The following B4GALT6 variants were observed in gnomAD, a reference collection of about 807,000 sequenced individuals.
B4GALT6 encodes UDP-Gal:beta-GlcNAc beta-1,4-galactosyltransferase 6.
In B4GALT6, 14 loss-of-function variants were observed where a neutral mutation model predicts 46.3. That is an observed-to-expected ratio of 0.30 (90% CI 0.20 to 0.47). The LOEUF (loss-of-function observed/expected upper bound fraction) is 0.47, where lower values mean the gene tolerates loss of function less well. Ranked by LOEUF, B4GALT6 falls within the 20% of genes least tolerant of loss-of-function variation. The probability of loss-of-function intolerance (pLI) is 0.99; values close to 1 mark genes in which losing one functional copy is unlikely to be tolerated. For synonymous variants in B4GALT6, 168 were observed against 162.0 expected (o/e 1.04, Z -0.28); for missense variants, 386 against 480.1 (o/e 0.80, Z 1.83).
chr18:31,684,011 T>A (rs548064897), intron 1 of B4GALT6, among the ~76,000 whole-genome samples: 1 of 152,310 alleles, frequency 6.6e-6, no homozygotes, highest in Non-Finnish European at 1.5e-5. Flanking sequence ...AAAGCTGTCA[T>A]GAACACTCAA....
intron 1 of B4GALT6, among the ~76,000 whole-genome samples, chr18:31,680,151 G>C (rs1010867833): frequency 2.0e-5 from 3 of 152,134 alleles, no homozygotes; most frequent in African/African-American, 7.2e-5. Context: ...CTCCTGAAAT[G>C]GGCCATGCAG....
intron 1 of B4GALT6, among the ~76,000 whole-genome samples, chr18:31,669,435 TTAAA>T (rs1439723242): frequency 1.3e-5 from 2 of 152,210 alleles, no homozygotes; most frequent in African/African-American, 4.8e-5. Flanking sequence ...TTGCTTATAC[TTAAA>T]TAATCTGTCT....
intron 4 of B4GALT6, among the ~76,000 whole-genome samples, chr18:31,641,593 G>C (rs1041697200): frequency 6.6e-6 from 1 of 152,108 alleles, no homozygotes; most frequent in African/African-American, 2.4e-5. Context: ...GCCTGTTTCA[G>C]GACATTCTTC....
At chr18:31,682,019 GA>G (rs996393300) in intron 1 of B4GALT6, among the ~76,000 whole-genome samples, 1 of 151,694 alleles carries the variant, frequency 6.6e-6, no homozygotes, top group Non-Finnish European at 1.5e-5. Context: ...TCATAAATAA[GA>G]AATCTGAAGC....
the B4GALT6 span, among the ~76,000 whole-genome samples, chr18:31,704,163 T>A: frequency 6.6e-6 from 1 of 151,752 alleles, no homozygotes; most frequent in African/African-American, 2.4e-5. Flanking sequence ...CTTCAGGATA[T>A]CTAGAAATAA....
intron 1 of B4GALT6, among the ~76,000 whole-genome samples, chr18:31,677,455 T>C (rs1345577093): frequency 6.6e-6 from 1 of 152,184 alleles, no homozygotes; most frequent in Non-Finnish European, 1.5e-5. Flanking sequence ...CAGAATTGAG[T>C]GCCACCTGAA....
chr18:31,627,197 T>G, intron 6 of B4GALT6, 76 bp from the exon 7 acceptor site: 1 of 1,352,568 alleles, frequency 7.4e-7, no homozygotes, highest in Middle Eastern at 1.9e-4. Flanking sequence ...TTCAGCCTTT[T>G]ATGTGCTTTG....
At chr18:31,723,422 A>G in the B4GALT6 span, among the ~76,000 whole-genome samples, 1 of 152,212 alleles carries the variant, frequency 6.6e-6, no homozygotes, top group African/African-American at 2.4e-5. Flanking sequence ...GACTTTAACA[A>G]CCTAAGCGTC....
intron 1 of B4GALT6, among the ~76,000 whole-genome samples, chr18:31,668,089 T>A (rs909333005): frequency 2.1e-5 from 3 of 140,368 alleles, no homozygotes; most frequent in South Asian, 2.3e-4. Context: ...GGAGCAAGAC[T>A]CCATCTCAAA....
the B4GALT6 span, among the ~76,000 whole-genome samples, chr18:31,715,680 A>G: frequency 6.7e-6 from 1 of 148,638 alleles, no homozygotes; most frequent in Non-Finnish European, 1.5e-5. Flanking sequence ...CCTCCTGAGT[A>G]GCTGGGATTA....
chr18:31,665,696 T>G (rs2074274357), intron 2 of B4GALT6, among the ~76,000 whole-genome samples: 1 of 152,096 alleles, frequency 6.6e-6, no homozygotes, highest in African/African-American at 2.4e-5. Context: ...GAGCCAAGAT[T>G]GCGCCACTGC....
chr18:31,657,758 C>A (rs2074159232), intron 3 of B4GALT6, among the ~76,000 whole-genome samples: 1 of 152,082 alleles, frequency 6.6e-6, no homozygotes, highest in African/African-American at 2.4e-5. Flanking sequence ...GTCATTTTCC[C>A]CCTTTGTATT....
chr18:31,680,670 T>C (rs1375098811), intron 1 of B4GALT6, among the ~76,000 whole-genome samples: 1 of 152,222 alleles, frequency 6.6e-6, no homozygotes, highest in Admixed American at 6.5e-5. Flanking sequence ...TCTCCTCCCA[T>C]TATATAGCCC....
At chr18:31,720,603 C>T in the B4GALT6 span, among the ~76,000 whole-genome samples, 2 of 152,206 alleles carry the variant, frequency 1.3e-5, no homozygotes, top group East Asian at 1.9e-4. Context: ...CCCCAAGAGG[C>T]CCCTTGAACG....
At position 31,652,287 on chromosome 18, in the gene B4GALT6, C is replaced by G. The variant is rs530296128; in HGVS notation, c.346+5689G>C. ...TCTCTCCCAATCATTTTACTGAATT[C>G]GTGCTTGCTGTGTTCTCCATTCGTT... On this transcript the variant is annotated intron_variant, in intron 3 of 8. Transcript: ENST00000306851. Among the ~76,000 whole-genome samples the G allele has an allele frequency of 1.1e-4, 16 of 152,280 alleles. No homozygotes were observed. The East Asian group carries it at 1.3e-3, about 13-fold the overall frequency.
chr18:31,667,811 T>G (rs2074299223), intron 1 of B4GALT6, among the ~76,000 whole-genome samples: 1 of 152,198 alleles, frequency 6.6e-6, no homozygotes, highest in Admixed American at 6.5e-5. Context: ...ATTTTTGTAC[T>G]TAAGTGGACT....
intron 7 of B4GALT6, among the ~76,000 whole-genome samples, chr18:31,626,733 C>T (rs773673502): frequency 6.6e-6 from 1 of 152,142 alleles, no homozygotes; most frequent in Admixed American, 6.5e-5. Flanking sequence ...CCGAAACCAT[C>T]CTCCTGGGTC....
At chr18:31,692,018 T>C in the B4GALT6 span, among the ~76,000 whole-genome samples, 1 of 152,146 alleles carries the variant, frequency 6.6e-6, no homozygotes, top group African/African-American at 2.4e-5. Context: ...CTGGCAACAT[T>C]AAGCAAATTA....
intron 2 of B4GALT6, among the ~76,000 whole-genome samples, chr18:31,659,888 G>T (rs1018333993): frequency 4.0e-5 from 6 of 149,634 alleles, no homozygotes; most frequent in Non-Finnish European, 8.9e-5. Flanking sequence ...ATGTCTAAAA[G>T]ATTTAAAGAT....
Sources: gnomAD v4.1 joint callset for allele counts (sites outside exome capture counted in the v4.1 genomes callset) on GRCh38, gnomAD v4.1.1 for gene constraint, MANE v1.5 for transcripts, NCBI Gene and HGNC (gene_info 2026-07-23, HGNC 2026-07-21) for gene names.